AXIN2: variants seen among roughly 807,000 people sequenced by gnomAD.
AXIN2 encodes axin-2.
A neutral mutation model predicts 74.7 loss-of-function variants in AXIN2; 21 were observed. The observed-to-expected ratio is 0.28, with a 90% confidence interval of 0.20 to 0.40. The LOEUF is 0.40. Ranked by LOEUF, AXIN2 falls within the 10% of genes least tolerant of loss-of-function variation. AXIN2 has a pLI of 1.00. For missense variants in AXIN2, 1,144 were observed against 1,111.1 expected, an observed-to-expected ratio of 1.03 and a Z score of -0.42; for synonymous variants, 532 against 454.9, an observed-to-expected ratio of 1.17 and a Z score of -2.16.
intron 3 of AXIN2, among the ~76,000 whole-genome samples, chr17:65,544,210 C>T (rs1447185748): frequency 6.6e-6 from 1 of 151,916 alleles, no homozygotes; most frequent in African/African-American, 2.4e-5. Flanking sequence ...TTCCTTCTCC[C>T]AGATGAAAGT....
At chr17:65,551,896 T>C (rs972660799) in intron 2 of AXIN2, among the ~76,000 whole-genome samples, 8 of 152,316 alleles carry the variant, frequency 5.3e-5, no homozygotes, top group Non-Finnish European at 8.8e-5. Flanking sequence ...GCTGTAGGCA[T>C]AGAACTGACC....
chr17:65,528,915 A>T lies in AXIN2; in HGVS notation c.*1061T>A, dbSNP rs2144383653. The T allele has an allele frequency of 3.2e-6, 1 of 312,726 alleles. No individual in the cohort carries two copies. Among genetic ancestry groups the T allele is most frequent in the Middle Eastern group, 5.6e-4 (1 of 1,790 alleles). 19.4% of individuals were successfully genotyped at this position (312,726 alleles called of 1,614,324 possible). ...CTATATACAGATGTATAGTACAAGT[A>T]ACAATGGCAAACAGAATGTACAGAT... On this transcript the variant is annotated 3_prime_UTR_variant, in exon 11 of 11. Coordinates refer to ENST00000307078, the MANE Select transcript of AXIN2 (RefSeq NM_004655.4).
In AXIN2 at chr17:65,536,400, G is replaced by A. The variant is rs2144440703; in HGVS notation, c.2061C>T (p.Pro687=). The part of the protein sequence containing the change: ...HLFTQDPAMP[P]LTPPNTLAQL... ...GAGCCAGCGTGTTGGGTGGGGTCAG[G>A]GGAGGCATCGCAGGGTCCTGGGTGA... The change falls in exon 8 of 11, where the codon CCC becomes CCT. Residue 687 remains proline (P), a synonymous_variant. Transcript: ENST00000307078. The A allele has an allele frequency of 6.2e-7, 1 of 1,613,852 alleles. No homozygotes were observed. Among genetic ancestry groups the A allele is most frequent in the Non-Finnish European group, 8.5e-7 (1 of 1,180,022 alleles).
rs777031263 is a variant in AXIN2 at position 65,536,303 on chromosome 17, C to A, written c.2141+17G>T. On this transcript the variant is annotated intron_variant, in intron 8 of 10. Coordinates refer to ENST00000307078, the MANE Select transcript of AXIN2 (RefSeq NM_004655.4). ...CCCAATCCCTGCCTCAACCTAGGAC[C>A]CTTCACTTCCACTCACCGCTGCTTT... is the stretch of plus-strand genomic sequence containing the variant. The A allele has an allele frequency of 5.0e-6, 8 of 1,596,000 alleles. No individual in the cohort carries two copies. In the African/African-American group the frequency reaches 9.4e-5, roughly 19 times the overall value.
rs1451720453 is a variant in AXIN2, at chr17:65,537,733, G to A, written c.1303C>T (p.Pro435Ser). 5.1e-6 allele frequency: 8 copies of A among 1,565,032 alleles called. No homozygotes were observed. Among genetic ancestry groups the A allele is most frequent in the Non-Finnish European group, 6.1e-6 (7 of 1,154,868 alleles). The change falls in exon 6 of 11, where the codon CCG becomes TCG. Residue 435 changes from proline (P) to serine (S), a missense_variant. Coordinates refer to ENST00000307078, the MANE Select transcript of AXIN2 (RefSeq NM_004655.4). ...LLPSGSYEED[P>S]QTILDDHLSR... ...AGGTGATCGTCCAGTATCGTCTGCG[G>A]GTCTTCCTCGTAGCTGCCGGAGGGC...
Position 65,529,970 on chromosome 17 carries a change from C to T in AXIN2, c.*6G>A. The T allele has an allele frequency of 1.2e-6, 2 of 1,614,176 alleles. No individual in the cohort carries two copies. The highest frequency in any genetic ancestry group is 1.7e-6 in the Non-Finnish European group (2 of 1,180,022). On this transcript the variant is annotated 3_prime_UTR_variant, in exon 11 of 11. Coordinates refer to ENST00000307078, the MANE Select transcript of AXIN2 (RefSeq NM_004655.4). Reference sequence around the variant, plus strand: ...CCAACAGTTCACCAAAGCCAGACCCCAGGGCTCAATCGATCCGCTCCACTT... The same window carrying T: ...CCAACAGTTCACCAAAGCCAGACCCTAGGGCTCAATCGATCCGCTCCACTT...
chr17:65,561,477 CCTCGG>C lies in AXIN2; in HGVS notation c.-149_-145del. On this transcript the variant is annotated 5_prime_UTR_variant, in exon 1 of 11. An upstream open reading frame in the 5' UTR loses its in-frame stop. Coordinates refer to ENST00000307078, the MANE Select transcript of AXIN2 (RefSeq NM_004655.4). ...TTTACAGCAGGGCCTTCGGCGGGCG[CCTCGG>C]CCGCCGGGCGGCCCCGAAATCCATC... The C allele has an allele frequency of 6.7e-6, 1 of 150,146 alleles. No individual in the cohort carries two copies. Among genetic ancestry groups the C allele is most frequent in the East Asian group, 1.9e-4 (1 of 5,140 alleles). 9.3% of individuals were successfully genotyped at this position (150,146 alleles called of 1,614,324 possible).
At chr17:65,541,168 G>T (rs2044035942) in intron 4 of AXIN2, among the ~76,000 whole-genome samples, 1 of 152,158 alleles carries the variant, frequency 6.6e-6, no homozygotes, top group Non-Finnish European at 1.5e-5. Context: ...ATGAGCCACT[G>T]TGCCCAGCCG....
intron 6 of AXIN2, 31 bp from the exon 7 acceptor site, chr17:65,537,094 A>G (rs1180745240): frequency 1.3e-6 from 2 of 1,591,242 alleles, no homozygotes; most frequent in South Asian, 2.2e-5. Context: ...CACCCAACCC[A>G]GAGACCCGGT....
At chr17:65,536,240 G>C (rs2043911885) in intron 8 of AXIN2, 80 bp downstream of exon 8, 1 of 1,401,158 alleles carries the variant, frequency 7.1e-7, no homozygotes, top group Non-Finnish European at 9.9e-7. Flanking sequence ...AGAAAGAGAG[G>C]CCCTCCCCAT....
At chr17:65,532,111 G>C (rs913429057) in intron 10 of AXIN2, among the ~76,000 whole-genome samples, 5 of 152,110 alleles carry the variant, frequency 3.3e-5, no homozygotes, top group Non-Finnish European at 7.4e-5. Context: ...ATCCACTCAG[G>C]AAAGAACTGG....
intron 9 of AXIN2, among the ~76,000 whole-genome samples, chr17:65,534,979 T>C (rs560424949): frequency 2.0e-5 from 3 of 152,142 alleles, no homozygotes; most frequent in East Asian, 1.9e-4. Flanking sequence ...CTGGTACACT[T>C]AGGGTCAACC....
chr17:65,549,531 C>A lies in AXIN2; in HGVS notation c.945G>T (p.Thr315=), dbSNP rs780797394. ...DALTDDSMSM[T]DSSVDGIPPY... The stretch of plus-strand genomic sequence containing the variant: ...GCCAGGATACTCACACACTGCTGTC[C>A]GTCATGGACATGGAATCATCCGTCA... Residue 315 remains threonine (T), a synonymous_variant, in exon 3 of 11, where the codon ACG becomes ACT. Transcript: ENST00000307078. The A allele has an allele frequency of 1.2e-6, 2 of 1,612,556 alleles. No homozygotes were observed. Among genetic ancestry groups the A allele is most frequent in the Admixed American group, 3.3e-5 (2 of 59,840 alleles).
Position 65,541,475 on chromosome 17 carries a change from C to A in AXIN2, c.1039G>T (p.Val347Leu). Residue 347 changes from valine (V) to leucine (L), a missense_variant, in exon 4 of 11, where the codon GTG (valine) becomes TTG (leucine). Coordinates refer to ENST00000307078, the MANE Select transcript of AXIN2 (RefSeq NM_004655.4). ...CTCACCGGGAAATGAGGTAGAGACA[C>A]TTGGCCATTGGCCTTCACACTGCGA... Reference protein sequence around the residue: ...MHRSVKANGQVSLPHFPRTHR... With the variant: ...MHRSVKANGQLSLPHFPRTHR... 1 of 1,614,130 alleles carries A rather than the reference C, an allele frequency of 6.2e-7. No individual in the cohort carries two copies. The highest frequency in any genetic ancestry group is 8.5e-7 in the Non-Finnish European group (1 of 1,179,974).
rs2043949599 is a variant in AXIN2, at chr17:65,537,482, G to A, written c.1554C>T (p.Tyr518=). The change falls in exon 6 of 11, where the codon TAC becomes TAT. Residue 518 remains tyrosine (Y), a synonymous_variant. Transcript: ENST00000307078. ...KQTTKHVHHH[Y]IHHHAVPKTK... ...TCTTGGGGACGGCATGGTGGTGGAT[G>A]TAGTGGTGGTGGACATGCTTCGTCG... is the stretch of plus-strand genomic sequence containing the variant. 3.7e-6 allele frequency: 6 copies of A among 1,613,944 alleles called. No homozygotes were observed. The highest frequency in any genetic ancestry group is 5.1e-6 in the Non-Finnish European group (6 of 1,180,010).
intron 8 of AXIN2, among the ~76,000 whole-genome samples, chr17:65,536,090 G>A (rs1043599912): frequency 6.6e-6 from 1 of 152,186 alleles, no homozygotes; most frequent in Non-Finnish European, 1.5e-5. Context: ...CCAATTCTAG[G>A]CATGACTTGC....
chr17:65,552,327 A>G (rs2044205399), intron 2 of AXIN2, among the ~76,000 whole-genome samples: 1 of 152,252 alleles, frequency 6.6e-6, no homozygotes, highest in Admixed American at 6.5e-5. Context: ...GAAATCCATA[A>G]AGTAGGTGGG....
intron 3 of AXIN2, among the ~76,000 whole-genome samples, chr17:65,543,070 A>G (rs747490569): frequency 2.6e-5 from 4 of 152,178 alleles, no homozygotes; most frequent in African/African-American, 9.7e-5. Flanking sequence ...TCAACAAACC[A>G]ATGTATGTTA....
chr17:65,561,399 A>AG (rs1485931215), intron 1 of AXIN2, 51 bp downstream of exon 1: 14 of 145,316 alleles, frequency 9.6e-5, no homozygotes, highest in Admixed American at 2.7e-4. Flanking sequence ...CCCCTGTAAG[A>AG]GGGGGGCTTT....
Sources: gnomAD v4.1 joint callset for allele counts (sites outside exome capture counted in the v4.1 genomes callset) on GRCh38, gnomAD v4.1.1 for gene constraint, MANE v1.5 for transcripts, NCBI Gene and HGNC (gene_info 2026-07-23, HGNC 2026-07-21) for gene names.